Variants in XRCC2 observed in about 807,000 individuals in gnomAD.
XRCC2 encodes the protein DNA repair protein XRCC2.
Under a neutral mutation model 27.3 loss-of-function variants are expected in XRCC2, and 24 were observed. The observed-to-expected ratio is 0.88, with a 90% CI of 0.64 to 1.24. The LOEUF is 1.24. XRCC2 is among the 50% of genes most tolerant of loss of function. The probability of loss-of-function intolerance (pLI) is 0.00; values close to 1 mark genes in which losing one functional copy is unlikely to be tolerated. For missense variants in XRCC2, 321 were observed against 325.8 expected, an observed-to-expected ratio of 0.99 and a Z score of 0.11; for synonymous variants, 106 against 115.4, an observed-to-expected ratio of 0.92 and a Z score of 0.52.
intron 2 of XRCC2, among the ~76,000 whole-genome samples, chr7:152,658,107 A>G (rs888872799): frequency 1.3e-5 from 2 of 151,794 alleles, no homozygotes; most frequent in African/African-American, 4.8e-5. Flanking sequence ...CTGGGATTAC[A>G]GGCATGAGCC....
chr7:152,671,212 C>CAA (rs1274107935), intron 1 of XRCC2, among the ~76,000 whole-genome samples: 1 of 151,414 alleles, frequency 6.6e-6, no homozygotes, highest in Non-Finnish European at 1.5e-5. Context: ...AAGACTGTCT[C>CAA]AAAAAAAATT....
Position 152,645,604 on chromosome 7 carries a change from A to G in XRCC2, c.*3038T>C, listed in dbSNP as rs1281256462. 1.3e-5 allele frequency: 2 copies of G among 151,888 alleles called. No homozygotes were observed. Among genetic ancestry groups the G allele is most frequent in the Non-Finnish European group, 2.9e-5 (2 of 67,958 alleles). 9.4% of individuals were successfully genotyped at this position (151,888 alleles called of 1,614,324 possible). A position where few individuals can be genotyped will look rare whatever the true frequency, so the allele number is the denominator to read the frequency against. On this transcript the variant is annotated 3_prime_UTR_variant, in exon 3 of 3. Coordinates refer to ENST00000359321, the MANE Select transcript of XRCC2 (RefSeq NM_005431.2). The stretch of plus-strand genomic sequence containing the variant: ...ATATGCCTTTTTTTCATGCTTTTTC[A>G]TTTTCCTTGCTTTACTGTGTTGACA...
At chr7:152,672,276 A>G (rs2117010345) in intron 1 of XRCC2, among the ~76,000 whole-genome samples, 1 of 152,324 alleles carries the variant, frequency 6.6e-6, no homozygotes, top group East Asian at 1.9e-4. Context: ...AAAGGTGATA[A>G]GCATTATTCT....
At chr7:152,656,897 G>C (rs972983061) in intron 2 of XRCC2, among the ~76,000 whole-genome samples, 3 of 152,128 alleles carry the variant, frequency 2.0e-5, no homozygotes, top group Non-Finnish European at 4.4e-5. Context: ...AAATCCAAAT[G>C]AGAAAATAAA....
intron 2 of XRCC2, among the ~76,000 whole-genome samples, chr7:152,650,542 T>G (rs1403195099): frequency 1.3e-5 from 2 of 152,178 alleles, no homozygotes; most frequent in Admixed American, 6.5e-5. Context: ...ACTACCTGAT[T>G]GGAAACACTA....
intron 1 of XRCC2, among the ~76,000 whole-genome samples, chr7:152,672,264 C>A (rs1233293795): frequency 6.6e-6 from 1 of 152,058 alleles, no homozygotes; most frequent in African/African-American, 2.4e-5. Context: ...GAAGCAAAGA[C>A]AAAAGGTGAT....
At position 152,648,613 on chromosome 7, in the gene XRCC2, C is replaced by T. The variant is rs1165842073; in HGVS notation, c.*29G>A. On this transcript the variant is annotated 3_prime_UTR_variant, in exon 3 of 3. Coordinates refer to ENST00000359321, the MANE Select transcript of XRCC2 (RefSeq NM_005431.2). ...GAAAAATTTTAAGGCTTGCGTAGTACCCTGCAAAAGACTATTTTATGATGT... is the reference window on the plus strand; with the variant it reads ...GAAAAATTTTAAGGCTTGCGTAGTATCCTGCAAAAGACTATTTTATGATGT... 13 of 1,554,270 alleles carry T rather than the reference C, an allele frequency of 8.4e-6. No individual in the cohort carries two copies. Among genetic ancestry groups the T allele is most frequent in the Non-Finnish European group, 1.1e-5 (13 of 1,157,064 alleles).
At chr7:152,660,830 T>A in intron 1 of XRCC2, 48 bp from the exon 2 acceptor site, 1 of 1,461,318 alleles carries the variant, frequency 6.8e-7, no homozygotes. Context: ...AAATATAAAA[T>A]CCTAGACATC....
In XRCC2 at chr7:152,648,413, G is replaced by GA. The variant is rs10707642; in HGVS notation, c.*228dup. ...AGACAGAGTAAGACTGTTTCAAAAA[G>GA]AAAAAAAAAAAAAAAGAAAACTTTT... On this transcript the variant is annotated 3_prime_UTR_variant, in exon 3 of 3. Coordinates refer to ENST00000359321, the MANE Select transcript of XRCC2 (RefSeq NM_005431.2). 2,250 of 259,818 alleles carry GA rather than the reference G, an allele frequency of 8.7e-3. No individual in the cohort carries two copies. The highest frequency in any genetic ancestry group is 0.017 in the Middle Eastern group (15 of 902). The allele number at this position is 259,818 out of a possible 1,614,324, so 16.1% of individuals were successfully genotyped here.
chr7:152,655,781 C>G (rs905440569), intron 2 of XRCC2, among the ~76,000 whole-genome samples: 1 of 152,008 alleles, frequency 6.6e-6, no homozygotes, highest in African/African-American at 2.4e-5. Flanking sequence ...GAGGCTGACA[C>G]AGGTGGATCA....
rs370138212 is a variant in XRCC2, at chr7:152,646,933, A to G, written c.*1709T>C. 9 of 152,182 alleles carry G rather than the reference A, an allele frequency of 5.9e-5. No homozygotes were observed. The East Asian group carries it at 1.7e-3, about 29-fold the overall frequency. The allele number at this position is 152,182 out of a possible 1,614,324, so 9.4% of individuals were successfully genotyped here. On this transcript the variant is annotated 3_prime_UTR_variant, in exon 3 of 3. Transcript: ENST00000359321. ...CTATTCCTTTGGGTATATACCCAGT[A>G]ATGAGATTGCTGGGTTGAATGGTAT...
intron 1 of XRCC2, among the ~76,000 whole-genome samples, chr7:152,665,969 A>G (rs1212450764): frequency 2.0e-5 from 3 of 152,188 alleles, no homozygotes; most frequent in Non-Finnish European, 2.9e-5. Flanking sequence ...AACCCAACCA[A>G]CATATGATAA....
rs1367837018 is a variant in XRCC2, at chr7:152,645,342, C to G, written c.*3300G>C. Reference sequence around the variant, plus strand: ...AGGCTGGTCTTGAACTCCTAGGACTCAAGCAATCCTCCCTCCTTGGCCTCC... The same window carrying G: ...AGGCTGGTCTTGAACTCCTAGGACTGAAGCAATCCTCCCTCCTTGGCCTCC... On this transcript the variant is annotated 3_prime_UTR_variant, in exon 3 of 3. Transcript: ENST00000359321. The G allele has an allele frequency of 6.6e-6, 1 of 152,090 alleles. No individual in the cohort carries two copies. The highest frequency in any genetic ancestry group is 2.4e-5 in the African/African-American group (1 of 41,416). 9.4% of individuals were successfully genotyped at this position (152,090 alleles called of 1,614,324 possible). A position where few individuals can be genotyped will look rare whatever the true frequency, so the allele number is the denominator to read the frequency against.
intron 1 of XRCC2, among the ~76,000 whole-genome samples, chr7:152,670,912 C>G (rs2098037905): frequency 6.6e-6 from 1 of 152,024 alleles, no homozygotes; most frequent in Admixed American, 6.6e-5. Context: ...TTTTAAACAT[C>G]ATTTAGAAAA....
rs1035386239 is a variant in XRCC2 at position 152,644,914 on chromosome 7, T to G, written c.*3728A>C. The G allele has an allele frequency of 2.6e-5, 4 of 152,244 alleles. No individual in the cohort carries two copies. The highest frequency in any genetic ancestry group is 1.3e-4 in the Admixed American group (2 of 15,284). 9.4% of individuals were successfully genotyped at this position (152,244 alleles called of 1,614,324 possible). A position where few individuals can be genotyped will look rare whatever the true frequency, so the allele number is the denominator to read the frequency against. On this transcript the variant is annotated 3_prime_UTR_variant, in exon 3 of 3. Transcript: ENST00000359321. ...ATCGTTCTCAACAGTTAGCCGAAGATTCATTCGATGAGTCCGATTTTTCTG... is the reference window on the plus strand; with the variant it reads ...ATCGTTCTCAACAGTTAGCCGAAGAGTCATTCGATGAGTCCGATTTTTCTG...
chr7:152,649,385 C>T, intron 2 of XRCC2, 22 bp from the exon 3 acceptor site: 1 of 1,535,056 alleles, frequency 6.5e-7, no homozygotes, highest in Non-Finnish European at 8.7e-7. Context: ...TTAAAAATCT[C>T]AGTCAAAATG....
At chr7:152,660,127 G>A (rs2098032447) in intron 2 of XRCC2, among the ~76,000 whole-genome samples, 1 of 152,198 alleles carries the variant, frequency 6.6e-6, no homozygotes, top group Admixed American at 6.5e-5. Context: ...ATTAGTAGTT[G>A]CCTAGAGCTG....
At chr7:152,660,282 T>G (rs2098032525) in intron 2 of XRCC2, among the ~76,000 whole-genome samples, 1 of 152,106 alleles carries the variant, frequency 6.6e-6, no homozygotes. Flanking sequence ...GAATTTTATC[T>G]CTATGAAGCC....
intron 2 of XRCC2, among the ~76,000 whole-genome samples, chr7:152,658,510 G>A (rs1009255096): frequency 3.3e-5 from 5 of 152,180 alleles, no homozygotes; most frequent in African/African-American, 1.2e-4. Context: ...TGACATTGCT[G>A]CAAAGCAATG....
Sources: allele counts gnomAD v4.1 joint callset (sites outside exome capture counted in the v4.1 genomes callset), GRCh38; gene constraint gnomAD v4.1.1; transcripts MANE v1.5; gene names NCBI Gene and HGNC (gene_info 2026-07-23, HGNC 2026-07-21).